The following KCNT1 variants were observed in gnomAD, a reference collection of about 807,000 sequenced individuals.
The protein encoded by KCNT1 is potassium channel subfamily T member 1.
A neutral mutation model predicts 147.8 loss-of-function variants in KCNT1; 78 were observed. That is an observed-to-expected ratio of 0.53 (90% CI 0.44 to 0.64). The LOEUF is 0.64. Among genes scored for constraint, KCNT1 ranks in the 30% least tolerant of loss-of-function variants. KCNT1 has a pLI of 0.00. For missense variants in KCNT1, 1,419 were observed against 1,750.3 expected, an observed-to-expected ratio of 0.81 and a Z score of 3.38; for synonymous variants, 867 against 748.8, an observed-to-expected ratio of 1.16 and a Z score of -2.58.
rs545322605 is a variant in KCNT1 at position 135,770,518 on chromosome 9, G to T, written c.1769+71G>T. Reference sequence around the variant, plus strand: ...TGCTCTGTGCCCTCCCCACCCTCCCGGTCAGGCACAGGGGTGGCCCTGGGG... The same window carrying T: ...TGCTCTGTGCCCTCCCCACCCTCCCTGTCAGGCACAGGGGTGGCCCTGGGG... On this transcript the variant is annotated intron_variant, in intron 17 of 30. Transcript: ENST00000371757. 6 of 1,528,044 alleles carry T rather than the reference G, an allele frequency of 3.9e-6. No individual in the cohort carries two copies. In the African/African-American group the frequency reaches 6.9e-5, roughly 18 times the overall value. 94.7% of individuals were successfully genotyped at this position (1,528,044 alleles called of 1,614,324 possible). A position where few individuals can be genotyped will look rare whatever the true frequency, so the allele number is the denominator to read the frequency against.
chr9:135,744,900 G>A (rs1351656021), intron 2 of KCNT1, among the ~76,000 whole-genome samples: 1 of 152,244 alleles, frequency 6.6e-6, no homozygotes, highest in Admixed American at 6.5e-5. Flanking sequence ...TAGGCCGTGG[G>A]CAGTGGCGGT....
At chr9:135,777,687 T>C (rs951463938) in intron 21 of KCNT1, among the ~76,000 whole-genome samples, 177 bp downstream of exon 21, 8 of 151,576 alleles carry the variant, frequency 5.3e-5, no homozygotes, top group South Asian at 4.3e-4. Flanking sequence ...TCCCAACTCC[T>C]CCTGCTCCCA....
At chr9:135,708,373 A>G (rs1835343903) in intron 1 of KCNT1, among the ~76,000 whole-genome samples, 1 of 152,244 alleles carries the variant, frequency 6.6e-6, no homozygotes, top group Non-Finnish European at 1.5e-5. Flanking sequence ...ATGCTCATTT[A>G]CACACACATC....
chr9:135,752,728 AGATG>A lies in KCNT1; in HGVS notation c.435-1194_435-1191del, dbSNP rs1020317170. ...ATGGATAGGTGGATGCATGGTGGGT[AGATG>A]GATGGATGGATGGAATAGATGGATG... On this transcript the variant is annotated intron_variant, in intron 4 of 30. Transcript: ENST00000371757. This position sits in a 1 kb window ranked among gnomAD's most constrained non-coding sequence, Gnocchi z 5.1. 7.4e-5 allele frequency among the ~76,000 whole-genome samples: 11 copies of A among 148,840 alleles called. No individual in the cohort carries two copies. Among genetic ancestry groups the A allele is most frequent in the Admixed American group, 2.0e-4 (3 of 15,040 alleles).
intron 2 of KCNT1, among the ~76,000 whole-genome samples, chr9:135,731,854 G>A (rs201024568): frequency 1.3e-5 from 2 of 151,006 alleles, no homozygotes; most frequent in East Asian, 3.9e-4. Context: ...TGGAGTAGGA[G>A]CCATATCTGG....
chr9:135,774,400 CGTGT>C (rs957314086), intron 19 of KCNT1, among the ~76,000 whole-genome samples: 3 of 91,974 alleles, frequency 3.3e-5, no homozygotes, highest in South Asian at 3.8e-4. Flanking sequence ...GTTGTGTGTC[CGTGT>C]GTGTGTGGTG....
intron 28 of KCNT1, chr9:135,785,938 C>G: frequency 1.8e-6 from 1 of 550,368 alleles, no homozygotes; most frequent in East Asian, 3.2e-5. Flanking sequence ...AGCAGCCTGG[C>G]GAATCCCTTG....
chr9:135,771,303 C>A, intron 18 of KCNT1: 2 of 608,892 alleles, frequency 3.3e-6, no homozygotes, highest in South Asian at 3.9e-5. Flanking sequence ...GGACAGGAGA[C>A]CAGACCGGGC....
In KCNT1 at chr9:135,731,105, C is replaced by A. The variant is rs1395132411; in HGVS notation, c.254+16385C>A. 2.0e-5 allele frequency among the ~76,000 whole-genome samples: 3 copies of A among 152,070 alleles called. No individual in the cohort carries two copies. The East Asian group carries it at 5.8e-4, about 29-fold the overall frequency. ...TTGAATCATTGTCCCCTCTGAGATC[C>A]CACCGCCTCCACTTTGGCCAATGGG... On this transcript the variant is annotated intron_variant, in intron 2 of 30. Transcript: ENST00000371757.
chr9:135,748,924 G>C (rs1168035649), intron 2 of KCNT1, among the ~76,000 whole-genome samples: 2 of 149,404 alleles, frequency 1.3e-5, no homozygotes, highest in African/African-American at 5.0e-5. Context: ...GATAGGAGCA[G>C]ACGTCATGGA....
Position 135,772,070 on chromosome 9 carries a change from G to A in KCNT1, c.2009-645G>A, listed in dbSNP as rs865917601. ...TGCCAGACCCCGCAGGTTCCCGGCC[G>A]CCGTCTACGGCAGCTCACTCGGGGG... On this transcript the variant is annotated intron_variant, in intron 18 of 30. Transcript: ENST00000371757. 5.3e-5 allele frequency among the ~76,000 whole-genome samples: 8 copies of A among 152,328 alleles called. 1 individual carries two copies. The South Asian group carries it at 8.3e-4, about 16-fold the overall frequency.
At chr9:135,734,975 G>T (rs986464173) in intron 2 of KCNT1, among the ~76,000 whole-genome samples, 1 of 152,194 alleles carries the variant, frequency 6.6e-6, no homozygotes, top group Non-Finnish European at 1.5e-5. Flanking sequence ...ACAGCATGGG[G>T]CTCACTCAGC....
chr9:135,745,715 A>G (rs1350134066), intron 2 of KCNT1, among the ~76,000 whole-genome samples: 2 of 152,222 alleles, frequency 1.3e-5, no homozygotes, highest in Admixed American at 6.5e-5. Flanking sequence ...CCTGGTTCCC[A>G]TTCCCCAGGG....
chr9:135,786,141 G>A (rs570227959), intron 28 of KCNT1, 56 bp from the exon 29 acceptor site: 64 of 1,520,526 alleles, frequency 4.2e-5, no homozygotes, highest in Non-Finnish European at 5.1e-5. Flanking sequence ...CCCAAAGCCC[G>A]CGACCCTCCC....
intron 2 of KCNT1, among the ~76,000 whole-genome samples, chr9:135,739,318 C>G (rs1435599990): frequency 6.6e-6 from 1 of 152,108 alleles, no homozygotes; most frequent in African/African-American, 2.4e-5. Flanking sequence ...GCCACTGTGC[C>G]CAGCACCCCA....
intron 1 of KCNT1, among the ~76,000 whole-genome samples, chr9:135,705,748 T>C (rs946468393): frequency 6.6e-6 from 1 of 152,224 alleles, no homozygotes; most frequent in Non-Finnish European, 1.5e-5. Flanking sequence ...CAGGATGCGA[T>C]TGGCCCAGGG....
intron 29 of KCNT1, chr9:135,790,603 C>T (rs1834423418): frequency 6.6e-6 from 1 of 152,498 alleles, no homozygotes; most frequent in South Asian, 2.1e-4. Flanking sequence ...ACTCCAAAGC[C>T]CCCACTGCAG....
At chr9:135,738,229 C>A (rs76006647) in intron 2 of KCNT1, among the ~76,000 whole-genome samples, 2,956 of 152,340 alleles carry the variant, frequency 0.019, 45 homozygotes, top group South Asian at 0.033. Flanking sequence ...ACTGTGCTGA[C>A]GGTTTCACAT....
At chr9:135,782,527 A>C (rs1221320735) in intron 24 of KCNT1, among the ~76,000 whole-genome samples, 90 of 152,192 alleles carry the variant, frequency 5.9e-4, no homozygotes, top group Non-Finnish European at 5.9e-5. Context: ...CGTGCTCAGG[A>C]AGGGCTCATC....
Sources: gnomAD v4.1 joint callset for allele counts (sites outside exome capture counted in the v4.1 genomes callset) on GRCh38, gnomAD v4.1.1 for gene constraint, Gnocchi (gnomAD v3.1) non-coding constraint, MANE v1.5 for transcripts, NCBI Gene and HGNC (gene_info 2026-07-23, HGNC 2026-07-21) for gene names.